CDKAL1: variants seen among roughly 807,000 people sequenced by gnomAD.
The protein encoded by CDKAL1 is threonylcarbamoyladenosine tRNA methylthiotransferase.
CDKAL1 carries 32 observed loss-of-function variants against 68.2 expected under a neutral mutation model. The observed-to-expected ratio is 0.47, with a 90% CI of 0.35 to 0.63. The LOEUF (loss-of-function observed/expected upper bound fraction) is 0.63, where lower values mean the gene tolerates loss of function less well. Ranked by LOEUF, CDKAL1 falls within the 30% of genes least tolerant of loss-of-function variation. The pLI is 0.00. For synonymous variants in CDKAL1, 234 were observed against 244.3 expected, an observed-to-expected ratio of 0.96 and a Z score of 0.39; for missense variants, 606 against 696.7, an observed-to-expected ratio of 0.87 and a Z score of 1.47.
At chr6:20,541,601 T>TG (rs888191400) in intron 2 of CDKAL1, among the ~76,000 whole-genome samples, 3 of 152,112 alleles carry the variant, frequency 2.0e-5, no homozygotes, top group Non-Finnish European at 4.4e-5. Context: ...TGAGTTACCC[T>TG]GGCAAGCTTG....
intron 5 of CDKAL1, among the ~76,000 whole-genome samples, chr6:20,666,934 A>C (rs1769576571): frequency 6.6e-6 from 1 of 152,142 alleles, no homozygotes; most frequent in African/African-American, 2.4e-5. Context: ...AAAAGAGACA[A>C]ATTTCAGACA....
chr6:20,889,174 G>C (rs12055630), intron 9 of CDKAL1, among the ~76,000 whole-genome samples: 85,813 of 151,442 alleles, frequency 0.57, 25,466 homozygotes, highest in East Asian at 0.71. Context: ...GTCTTCTTTT[G>C]AGAAGTGTCT....
intron 8 of CDKAL1, among the ~76,000 whole-genome samples, chr6:20,832,156 A>G (rs983133320): frequency 6.6e-6 from 1 of 152,224 alleles, no homozygotes; most frequent in Non-Finnish European, 1.5e-5. Flanking sequence ...CATCATTTCC[A>G]TTGTCTAAGA....
chr6:21,198,098 T>C lies in CDKAL1; in HGVS notation c.1377T>C (p.Tyr459=), dbSNP rs760209969. 7 of 1,596,136 alleles carry C rather than the reference T, an allele frequency of 4.4e-6. No individual in the cohort carries two copies. The highest frequency in any genetic ancestry group is 2.7e-5 in the African/African-American group (2 of 74,446). ...SKFYVAHNQF[Y]EQVLVPKNPA... ...TTTATGTTGCACACAATCAATTCTA[T>C]GAGCAGGTAAGAGGCACTTCAGTAT... is the stretch of plus-strand genomic sequence containing the variant. The change falls in exon 14 of 16, where the codon TAT becomes TAC. Residue 459 remains tyrosine (Y), a synonymous_variant. Coordinates refer to ENST00000274695, the MANE Select transcript of CDKAL1 (RefSeq NM_017774.3).
chr6:20,872,311 A>G (rs1468391046), intron 9 of CDKAL1, among the ~76,000 whole-genome samples: 1 of 152,172 alleles, frequency 6.6e-6, no homozygotes, highest in Non-Finnish European at 1.5e-5. Context: ...TCTCTTTTAA[A>G]GGTTAATTTA....
chr6:21,045,965 G>T (rs961562914), intron 11 of CDKAL1, among the ~76,000 whole-genome samples: 4 of 152,146 alleles, frequency 2.6e-5, no homozygotes, highest in African/African-American at 9.7e-5. Flanking sequence ...GTGGGAGGCA[G>T]CTTATTATTT....
At chr6:21,112,307 A>G (rs1044283908) in intron 13 of CDKAL1, among the ~76,000 whole-genome samples, 9 of 152,344 alleles carry the variant, frequency 5.9e-5, no homozygotes, top group Non-Finnish European at 8.8e-5. Flanking sequence ...ATAATCTGCT[A>G]TTGTGAAAAG....
chr6:20,721,928 T>C (rs1772395262), intron 5 of CDKAL1, among the ~76,000 whole-genome samples: 1 of 152,006 alleles, frequency 6.6e-6, no homozygotes, highest in Non-Finnish European at 1.5e-5. Flanking sequence ...AGATGGGATT[T>C]CACTATTTTG....
At chr6:20,903,518 G>A (rs534400807) in intron 9 of CDKAL1, among the ~76,000 whole-genome samples, 1 of 152,312 alleles carries the variant, frequency 6.6e-6, no homozygotes, top group African/African-American at 2.4e-5. Flanking sequence ...CGAAGAAGGT[G>A]AGATGATTTT....
intron 11 of CDKAL1, among the ~76,000 whole-genome samples, chr6:21,035,762 A>T (rs1416694115): frequency 6.6e-6 from 1 of 152,092 alleles, no homozygotes; most frequent in Admixed American, 6.6e-5. Flanking sequence ...GAGATTTTGC[A>T]TATTTCATCC....
chr6:21,218,692 A>G (rs1477148197), intron 15 of CDKAL1, among the ~76,000 whole-genome samples: 1 of 152,156 alleles, frequency 6.6e-6, no homozygotes, highest in Non-Finnish European at 1.5e-5. Context: ...AGCTCACAGC[A>G]TGGCAGCTGG....
intron 5 of CDKAL1, among the ~76,000 whole-genome samples, chr6:20,694,692 C>T (rs1036946981): frequency 2.0e-5 from 3 of 152,148 alleles, no homozygotes; most frequent in Admixed American, 6.5e-5. Flanking sequence ...CTGCTTTCCC[C>T]CTCAGTGAAA....
chr6:20,888,376 T>C (rs1349941059), intron 9 of CDKAL1, among the ~76,000 whole-genome samples: 3 of 147,808 alleles, frequency 2.0e-5, no homozygotes, highest in Non-Finnish European at 4.5e-5. Flanking sequence ...TTTTTAATTT[T>C]ATTATTATTA....
chr6:21,006,848 C>T (rs1206784838), intron 11 of CDKAL1, among the ~76,000 whole-genome samples: 2 of 152,158 alleles, frequency 1.3e-5, no homozygotes, highest in Non-Finnish European at 2.9e-5. Context: ...TCCTAAACTT[C>T]ATTCACTTTA....
Position 21,145,857 on chromosome 6 carries a change from G to A in CDKAL1, c.1299+37394G>A, listed in dbSNP as rs148200562. ...CAAGGCTGCAGCAAACTATGATCAC[G>A]CCACTGCATTCAGCCTGGGCTGCAG... On this transcript the variant is annotated intron_variant, in intron 13 of 15. Transcript: ENST00000274695. Among the ~76,000 whole-genome samples the A allele has an allele frequency of 1.9e-3, 282 of 152,208 alleles. 1 individual carries two copies. The highest frequency in any genetic ancestry group is 3.0e-3 in the Non-Finnish European group (203 of 68,008).
chr6:21,216,951 C>T (rs1194884734), intron 15 of CDKAL1, among the ~76,000 whole-genome samples: 2 of 152,152 alleles, frequency 1.3e-5, no homozygotes, highest in African/African-American at 4.8e-5. Context: ...GTAATGCCCT[C>T]CTGTCTCCCA....
intron 9 of CDKAL1, among the ~76,000 whole-genome samples, chr6:20,872,763 G>A (rs1301853130): frequency 6.6e-6 from 1 of 152,176 alleles, no homozygotes; most frequent in East Asian, 1.9e-4. Context: ...CATTGGAGAC[G>A]AAAGATTATT....
chr6:21,209,694 G>C (rs747959220), intron 15 of CDKAL1, among the ~76,000 whole-genome samples: 6 of 152,168 alleles, frequency 3.9e-5, no homozygotes, highest in Non-Finnish European at 5.9e-5. Context: ...GAGCAAAAGG[G>C]ATTCTTTATC....
Position 20,642,488 on chromosome 6 carries a change from A to AAC in CDKAL1, c.287-6804_287-6803insCA, listed in dbSNP as rs1421003518. On this transcript the variant is annotated intron_variant, in intron 4 of 15. Transcript: ENST00000274695. Reference sequence around the variant, plus strand: ...AAAGATGAAAAACAGAAAAAAAAAAAAAAAACACTGCGAGGGGCCCTTATG... The same window carrying AAC: ...AAAGATGAAAAACAGAAAAAAAAAAAACAAAAACACTGCGAGGGGCCCTTATG... Among the ~76,000 whole-genome samples, 118 of 151,286 alleles carry AAC rather than the reference A, an allele frequency of 7.8e-4. 1 individual carries two copies. Among genetic ancestry groups the AAC allele is most frequent in the African/African-American group, 2.4e-3 (97 of 41,224 alleles).
Sources: allele counts gnomAD v4.1 joint callset (sites outside exome capture counted in the v4.1 genomes callset), GRCh38; gene constraint gnomAD v4.1.1; transcripts MANE v1.5; gene names NCBI Gene and HGNC (gene_info 2026-07-23, HGNC 2026-07-21).